Variants in LRRC7 observed in about 807,000 individuals in gnomAD.
LRRC7 encodes the protein leucine rich repeat containing 7.
Under a neutral mutation model 175.7 loss-of-function variants are expected in LRRC7, and 23 were observed. The ratio of observed to expected loss-of-function variants is 0.13; its 90% CI spans 0.09 to 0.19. LRRC7 has a LOEUF of 0.19. Among genes scored for constraint, LRRC7 ranks in the 10% least tolerant of loss-of-function variants. The pLI is 1.00. For synonymous variants in LRRC7, 685 were observed against 680.9 expected (o/e 1.01, Z -0.09); for missense variants, 1,354 against 1,904.7 (o/e 0.71, Z 5.38).
chr1:69,672,526 T>TA (rs1659224266), intron 1 of LRRC7, among the ~76,000 whole-genome samples: 2 of 152,172 alleles, frequency 1.3e-5, no homozygotes, highest in East Asian at 3.9e-4. Context: ...TAACCATGGA[T>TA]AAAATACAGA....
In LRRC7 at chr1:69,851,528, C is replaced by T. The variant is rs758011504; in HGVS notation, c.647+13245C>T. On this transcript the variant is annotated intron_variant, in intron 7 of 26. Transcript: ENST00000651989. Reference sequence around the variant, plus strand: ...GTAGAGCACAAATGGAGAAGATGTCCGTAGAAGCAGGGACTCTTCTAACAT... The same window carrying T: ...GTAGAGCACAAATGGAGAAGATGTCTGTAGAAGCAGGGACTCTTCTAACAT... Among the ~76,000 whole-genome samples, 8 of 152,006 alleles carry T rather than the reference C, an allele frequency of 5.3e-5. No individual in the cohort carries two copies. The South Asian group carries it at 6.2e-4, about 12-fold the overall frequency.
intron 8 of LRRC7, among the ~76,000 whole-genome samples, chr1:69,952,648 G>A (rs895972330): frequency 4.6e-5 from 7 of 152,020 alleles, no homozygotes; most frequent in Non-Finnish European, 8.8e-5. Context: ...TTAATGTGGA[G>A]AAAATGAAAA....
intron 2 of LRRC7, among the ~76,000 whole-genome samples, chr1:69,692,209 TC>T (rs1344124642): frequency 6.6e-6 from 1 of 152,182 alleles, no homozygotes; most frequent in African/African-American, 2.4e-5. Flanking sequence ...CTGAAGCAGT[TC>T]CATCTCAAAG....
intron 3 of LRRC7, among the ~76,000 whole-genome samples, chr1:69,763,292 G>A (rs142742750): frequency 6.6e-6 from 1 of 152,004 alleles, no homozygotes; most frequent in East Asian, 1.9e-4. Context: ...CTTTTCTCAT[G>A]GTAGCAGGAT....
chr1:69,825,151 C>T (rs1679759671), intron 4 of LRRC7, among the ~76,000 whole-genome samples: 1 of 152,084 alleles, frequency 6.6e-6, no homozygotes, highest in South Asian at 2.1e-4. Flanking sequence ...AGGGAGGACC[C>T]AAGGAAAACT....
At chr1:69,676,992 CT>C (rs1217104648) in intron 1 of LRRC7, among the ~76,000 whole-genome samples, 1 of 151,842 alleles carries the variant, frequency 6.6e-6, no homozygotes, top group Non-Finnish European at 1.5e-5. Flanking sequence ...CTTTTGCATA[CT>C]CATACCTTAG....
intron 1 of LRRC7, among the ~76,000 whole-genome samples, chr1:69,668,047 TAAC>T (rs771825715): frequency 2.6e-5 from 4 of 152,316 alleles, no homozygotes; most frequent in South Asian, 4.1e-4. Flanking sequence ...TTTAAGCTGA[TAAC>T]AACAACACTA....
At chr1:69,628,270 G>T (rs1052313816) in intron 1 of LRRC7, among the ~76,000 whole-genome samples, 1 of 152,118 alleles carries the variant, frequency 6.6e-6, no homozygotes, top group African/African-American at 2.4e-5. Flanking sequence ...TGGAATAAGT[G>T]CTTATACCAA....
At chr1:70,117,418 C>G (rs1020769893) in intron 26 of LRRC7, among the ~76,000 whole-genome samples, 1 of 152,052 alleles carries the variant, frequency 6.6e-6, no homozygotes, top group Non-Finnish European at 1.5e-5. Flanking sequence ...ATTCAGAAAC[C>G]AAGTGTGTTT....
chr1:69,847,418 T>C (rs1557804531), intron 7 of LRRC7, among the ~76,000 whole-genome samples: 1 of 152,148 alleles, frequency 6.6e-6, no homozygotes, highest in Non-Finnish European at 1.5e-5. Context: ...ATTTCTAACC[T>C]GAACTTTTTA....
At chr1:70,062,201 T>C (rs4650023) in intron 23 of LRRC7, among the ~76,000 whole-genome samples, 5,214 of 152,198 alleles carry the variant, frequency 0.034, 190 homozygotes, top group African/African-American at 0.1. Context: ...AAACTTGTTT[T>C]GGTATGGTCT....
chr1:69,793,051 G>A (rs992373774), intron 4 of LRRC7, among the ~76,000 whole-genome samples: 9 of 152,028 alleles, frequency 5.9e-5, no homozygotes, highest in South Asian at 2.1e-4. Flanking sequence ...TGTGTGCACC[G>A]TATCTGCACA....
At chr1:69,671,932 C>G (rs1485316856) in intron 1 of LRRC7, among the ~76,000 whole-genome samples, 2 of 152,148 alleles carry the variant, frequency 1.3e-5, no homozygotes, top group Non-Finnish European at 2.9e-5. Flanking sequence ...TCTTCAATGC[C>G]TCTTTCAGTG....
At chr1:69,651,347 T>C (rs1198837837) in intron 1 of LRRC7, among the ~76,000 whole-genome samples, 1 of 152,174 alleles carries the variant, frequency 6.6e-6, no homozygotes, top group Non-Finnish European at 1.5e-5. Flanking sequence ...TTCTCTATAG[T>C]TGAGAGCAAA....
intron 4 of LRRC7, among the ~76,000 whole-genome samples, chr1:69,794,544 CT>C (rs914334363): frequency 6.6e-6 from 1 of 152,200 alleles, no homozygotes; most frequent in African/African-American, 2.4e-5. Flanking sequence ...ACAATTACTA[CT>C]ACCTCTTTAT....
intron 23 of LRRC7, among the ~76,000 whole-genome samples, chr1:70,054,048 C>T (rs1660946346): frequency 6.6e-6 from 1 of 152,144 alleles, no homozygotes; most frequent in South Asian, 2.1e-4. Context: ...AACATTATCA[C>T]TTTGGTAACA....
intron 1 of LRRC7, chr1:69,607,449 A>G (rs1287034621): frequency 6.6e-6 from 1 of 152,050 alleles, no homozygotes; most frequent in South Asian, 2.1e-4. Context: ...AAGTTTTTTT[A>G]ATTTTCATTT....
At chr1:69,932,290 G>C (rs908501991) in intron 8 of LRRC7, among the ~76,000 whole-genome samples, 12 of 152,080 alleles carry the variant, frequency 7.9e-5, no homozygotes, top group African/African-American at 2.9e-4. Flanking sequence ...AAAATTAAAA[G>C]ATTTAAGTAA....
intron 7 of LRRC7, among the ~76,000 whole-genome samples, chr1:69,911,023 G>C (rs190721235): frequency 2.6e-4 from 40 of 152,308 alleles, no homozygotes; most frequent in Admixed American, 5.2e-4. Flanking sequence ...ATAATCTCCT[G>C]GTGTGCCGTT....
Sources: gnomAD v4.1 joint callset for allele counts (sites outside exome capture counted in the v4.1 genomes callset) on GRCh38, gnomAD v4.1.1 for gene constraint, MANE v1.5 for transcripts, NCBI Gene and HGNC (gene_info 2026-07-23, HGNC 2026-07-21) for gene names.